The following FGD5 variants were observed in gnomAD, a reference collection of about 807,000 sequenced individuals.
The protein encoded by FGD5 is FYVE, RhoGEF and PH domain containing 5.
Under a neutral mutation model 133.4 loss-of-function variants are expected in FGD5, and 28 were observed. The observed-to-expected ratio is 0.21, with a 90% CI of 0.16 to 0.29. The LOEUF is 0.29. FGD5 is among the 10% of genes least tolerant of loss of function. FGD5 has a pLI of 1.00. For missense variants in FGD5, 1,858 were observed against 1,895.2 expected, an observed-to-expected ratio of 0.98 and a Z score of 0.36; for synonymous variants, 810 against 776.5, an observed-to-expected ratio of 1.04 and a Z score of -0.72.
chr3:14,871,743 A>T (rs1417117868), intron 2 of FGD5, among the ~76,000 whole-genome samples: 2 of 152,124 alleles, frequency 1.3e-5, no homozygotes, highest in African/African-American at 2.4e-5. Context: ...GCAGGTTAGG[A>T]TCCCCTGGCC....
intron 1 of FGD5, among the ~76,000 whole-genome samples, chr3:14,834,003 C>T (rs2036767656): frequency 6.6e-6 from 1 of 152,286 alleles, no homozygotes; most frequent in South Asian, 2.1e-4. Flanking sequence ...TTCTCAGTTT[C>T]TGTTGCAGCG....
chr3:14,901,448 A>G (rs1385574082), intron 9 of FGD5, among the ~76,000 whole-genome samples: 1 of 152,208 alleles, frequency 6.6e-6, no homozygotes, highest in Non-Finnish European at 1.5e-5. Context: ...TTAGGACCAC[A>G]AAAGTTTGAG....
At chr3:14,842,370 A>C (rs895584754) in intron 1 of FGD5, among the ~76,000 whole-genome samples, 1 of 152,168 alleles carries the variant, frequency 6.6e-6, no homozygotes, top group Non-Finnish European at 1.5e-5. Context: ...CCCCCACCGG[A>C]TCCCCACCCC....
At chr3:14,915,240 C>G (rs1284978775) in intron 11 of FGD5, among the ~76,000 whole-genome samples, 1 of 152,216 alleles carries the variant, frequency 6.6e-6, no homozygotes, top group African/African-American at 2.4e-5. Context: ...GCCAAGTCTC[C>G]TGCATTGCCA....
intron 9 of FGD5, among the ~76,000 whole-genome samples, chr3:14,902,763 G>A (rs879919914): frequency 2.0e-5 from 3 of 152,198 alleles, no homozygotes; most frequent in Admixed American, 6.5e-5. Flanking sequence ...AGGAATAGCA[G>A]CAGATGGGCT....
At chr3:14,844,423 T>C (rs977269876) in intron 1 of FGD5, among the ~76,000 whole-genome samples, 2 of 150,284 alleles carry the variant, frequency 1.3e-5, no homozygotes, top group African/African-American at 4.9e-5. Context: ...CTTAACTAGC[T>C]GCGTGGAAAA....
Position 14,821,062 on chromosome 3 carries a change from A to G in FGD5, c.1991A>G (p.Lys664Arg), listed in dbSNP as rs757393477. 5 of 1,613,954 alleles carry G rather than the reference A, an allele frequency of 3.1e-6. No homozygotes were observed. The South Asian group carries it at 4.4e-5, about 14-fold the overall frequency. Residue 664 changes from lysine (K) to arginine (R), a missense_variant, in exon 1 of 20, where the codon AAG (lysine) becomes AGG (arginine). Transcript: ENST00000285046. ...TTCCTGGCACTGACGTTTAAGAAGA[A>G]GACGGAGAACAAATTGCATGTGGAT... is the stretch of plus-strand genomic sequence containing the variant. ...KRFLALTFKK[K>R]TENKLHVDVN...
intron 10 of FGD5, among the ~76,000 whole-genome samples, chr3:14,910,380 C>T (rs1363961299): frequency 2.0e-5 from 3 of 152,064 alleles, no homozygotes; most frequent in East Asian, 3.9e-4. Context: ...TAACATAATG[C>T]AGCTTTCCTG....
intron 1 of FGD5, among the ~76,000 whole-genome samples, chr3:14,860,612 C>G (rs998082616): frequency 6.6e-6 from 1 of 152,084 alleles, no homozygotes; most frequent in African/African-American, 2.4e-5. Flanking sequence ...CTGTGCACCT[C>G]CAATATGAGC....
rs1277705401 is a variant in FGD5 at position 14,924,043 on chromosome 3, C to G, written c.3973C>G (p.Pro1325Ala). 6.2e-7 allele frequency: 1 copy of G among 1,613,908 alleles called. No homozygotes were observed. The highest frequency in any genetic ancestry group is 1.3e-5 in the African/African-American group (1 of 74,946). The part of the protein sequence containing the change: ...PVSMSFPLSS[P>A]RFSGSAFSSV... Reference sequence around the variant, plus strand: ...GAGCATGAGCTTCCCGCTGTCTTCACCCCGCTTCTCGGGCAGTGCCTTTTC... The same window carrying G: ...GAGCATGAGCTTCCCGCTGTCTTCAGCCCGCTTCTCGGGCAGTGCCTTTTC... The change falls in exon 17 of 20, where the codon CCC becomes GCC. Residue 1325 changes from proline (P) to alanine (A), a missense_variant. Around this residue, in one of 3 missense-constraint regions of FGD5, gnomAD observed 1,824 missense variants for 1,848.9 expected, o/e 0.99. Transcript: ENST00000285046.
intron 1 of FGD5, among the ~76,000 whole-genome samples, chr3:14,833,264 TC>T (rs1266366755): frequency 2.1e-4 from 32 of 152,100 alleles, no homozygotes; most frequent in African/African-American, 6.0e-4. Context: ...ATGTGACTGG[TC>T]TCTATGTAAA....
intron 1 of FGD5, among the ~76,000 whole-genome samples, chr3:14,848,836 C>T (rs753793943): frequency 6.6e-6 from 1 of 152,062 alleles, no homozygotes; most frequent in African/African-American, 2.4e-5. Flanking sequence ...GACCCTGGGC[C>T]CTGGCTGGTG....
intron 1 of FGD5, among the ~76,000 whole-genome samples, chr3:14,829,558 A>G (rs973942928): frequency 6.6e-6 from 1 of 152,184 alleles, no homozygotes; most frequent in Non-Finnish European, 1.5e-5. Flanking sequence ...CCAGGGCTAG[A>G]TTGCATCTGC....
At chr3:14,811,156 G>A (rs1051233901) in intron 1 of FGD5, among the ~76,000 whole-genome samples, 1 of 152,142 alleles carries the variant, frequency 6.6e-6, no homozygotes, top group Admixed American at 6.5e-5. Flanking sequence ...GTTCCCCGGA[G>A]TGAGGGTCCC....
rs148509188 is a variant in FGD5, at chr3:14,890,265, T to A, written c.2749-7244T>A. On this transcript the variant is annotated intron_variant, in intron 4 of 19. Transcript: ENST00000285046. ...CCACGGCCAAGCCAGGTCTCCCTTC[T>A]CTGGTTTGCTGGGTCCTATGCTTTT... Among the ~76,000 whole-genome samples, 95 of 152,218 alleles carry A rather than the reference T, an allele frequency of 6.2e-4. 1 individual carries two copies. In the Middle Eastern group the frequency reaches 0.014, roughly 22 times the overall value.
chr3:14,880,938 G>A lies in FGD5; in HGVS notation c.2748+166G>A, dbSNP rs564460701. On this transcript the variant is annotated intron_variant, in intron 4 of 19. Transcript: ENST00000285046. ...CAGGGAAGTCCGTCTCCTGATTAAT[G>A]TGCTTCCGGGGGCAGACAGCGGATG... Among the ~76,000 whole-genome samples, 23 of 152,358 alleles carry A rather than the reference G, an allele frequency of 1.5e-4. 1 individual carries two copies. The highest frequency in any genetic ancestry group is 1.2e-3 in the Admixed American group (19 of 15,304).
chr3:14,873,984 A>G (rs965510495), intron 2 of FGD5, among the ~76,000 whole-genome samples: 2 of 152,100 alleles, frequency 1.3e-5, no homozygotes, highest in African/African-American at 2.4e-5. Context: ...GGCCTCGCAA[A>G]GTGCTGGGAT....
chr3:14,876,036 G>A (rs2037713522), intron 2 of FGD5, among the ~76,000 whole-genome samples: 1 of 152,204 alleles, frequency 6.6e-6, no homozygotes, highest in African/African-American at 2.4e-5. Context: ...CCGAGCAGGT[G>A]TGGACCCAGG....
At chr3:14,921,800 G>C in intron 13 of FGD5, 118 bp from the exon 14 acceptor site, 1 of 890,322 alleles carries the variant, frequency 1.1e-6, no homozygotes, top group Non-Finnish European at 1.8e-6. Context: ...TGGTGGTTCT[G>C]GGCAGTGTGA....
Sources: allele counts gnomAD v4.1 joint callset (sites outside exome capture counted in the v4.1 genomes callset), GRCh38; gene constraint gnomAD v4.1.1; regional missense constraint gnomAD v4.1.1; transcripts MANE v1.5; gene names NCBI Gene and HGNC (gene_info 2026-07-23, HGNC 2026-07-21).